Variants in KLHL13 observed in about 807,000 individuals in gnomAD.
KLHL13 encodes the protein kelch-like protein 13.
In KLHL13, 10 loss-of-function variants were observed where a neutral mutation model predicts 37.1. The observed-to-expected ratio is 0.27, with a 90% confidence interval of 0.17 to 0.46. The LOEUF (loss-of-function observed/expected upper bound fraction) is 0.46. KLHL13 is among the 20% of genes least tolerant of loss of function. The pLI is 1.00. For missense variants in KLHL13, 360 were observed against 509.3 expected, an observed-to-expected ratio of 0.71 and a Z score of 2.82; for synonymous variants, 163 against 181.2, an observed-to-expected ratio of 0.90 and a Z score of 0.81.
intron 1 of KLHL13, among the ~76,000 whole-genome samples, chrX:118,017,966 A>G (rs1364668444): frequency 9.0e-6 from 1 of 111,505 alleles, no homozygotes; most frequent in Non-Finnish European, 1.9e-5. Context: ...CGCCACAACA[A>G]CAAACTGGTG....
At chrX:118,114,100 C>T (rs1448463013) in intron 1 of KLHL13, among the ~76,000 whole-genome samples, 5 of 112,121 alleles carry the variant, frequency 4.5e-5, no homozygotes. Flanking sequence ...AATAAAAATA[C>T]ATCGGTTTCA....
intron 1 of KLHL13, among the ~76,000 whole-genome samples, chrX:117,954,250 TTTATATA>T (rs1933790505): frequency 8.9e-6 from 1 of 112,475 alleles, no homozygotes; most frequent in African/African-American, 3.2e-5. Context: ...TCTTTTAAAA[TTTATATA>T]CCAGTTAAAC....
intron 2 of KLHL13, among the ~76,000 whole-genome samples, chrX:117,928,159 G>A (rs1284650646): frequency 1.8e-5 from 2 of 111,904 alleles, no homozygotes; most frequent in Non-Finnish European, 3.8e-5. Flanking sequence ...TTCCTTAGAT[G>A]TCTGTGTGTT....
At chrX:117,907,684 TA>T (rs1466955364) in intron 5 of KLHL13, among the ~76,000 whole-genome samples, 2 of 111,443 alleles carry the variant, frequency 1.8e-5, no homozygotes, top group African/African-American at 6.5e-5. Flanking sequence ...TAACTGCTTT[TA>T]AAAGTCCAAT....
intron 1 of KLHL13, among the ~76,000 whole-genome samples, chrX:118,075,039 A>T (rs2054914464): frequency 8.9e-6 from 1 of 111,939 alleles, no homozygotes; most frequent in African/African-American, 3.2e-5. Context: ...TCTTTTCCCA[A>T]GTTCAATACA....
intron 1 of KLHL13, among the ~76,000 whole-genome samples, chrX:118,012,251 T>C (rs1348669001): frequency 8.9e-6 from 1 of 112,409 alleles, no homozygotes; most frequent in African/African-American, 3.2e-5. Context: ...TACTAACTTA[T>C]TTCCACTGTG....
At chrX:117,960,515 C>T (rs1007304349) in intron 1 of KLHL13, among the ~76,000 whole-genome samples, 1 of 112,115 alleles carries the variant, frequency 8.9e-6, no homozygotes, top group African/African-American at 3.2e-5. Context: ...CTGCACCTGC[C>T]AAACACCAAA....
At chrX:117,904,867 T>G (rs1032748049) in intron 5 of KLHL13, among the ~76,000 whole-genome samples, 2 of 111,763 alleles carry the variant, frequency 1.8e-5, no homozygotes, top group African/African-American at 6.5e-5. Context: ...TTCAGTAGTT[T>G]GGTGGCCTAG....
chrX:118,032,967 G>T (rs767987836), intron 1 of KLHL13, among the ~76,000 whole-genome samples: 2 of 111,633 alleles, frequency 1.8e-5, no homozygotes, highest in East Asian at 2.8e-4. Context: ...GAGCCGATGC[G>T]ATCAAATGGA....
At chrX:118,041,259 G>T in intron 1 of KLHL13, among the ~76,000 whole-genome samples, 1 of 112,216 alleles carries the variant, frequency 8.9e-6, no homozygotes, top group Non-Finnish European at 1.9e-5. Context: ...AGGCACAATG[G>T]CTCATGCCTG....
chrX:118,018,982 T>C lies in KLHL13; in HGVS notation c.-55-73407A>G, dbSNP rs2054162583. ...GTACAATATGATGTTTTGGTACACA[T>C]AGACAGAGTGAAATGATTACTATAG... On this transcript the variant is annotated intron_variant, in intron 1 of 6. Coordinates refer to the KLHL13 transcript ENST00000371882. 3.6e-5 allele frequency among the ~76,000 whole-genome samples: 4 copies of C among 111,567 alleles called. No individual in the cohort carries two copies. The South Asian group carries it at 1.1e-3, about 31-fold the overall frequency.
At chrX:118,067,725 C>T (rs1001844890) in intron 1 of KLHL13, among the ~76,000 whole-genome samples, 1 of 110,751 alleles carries the variant, frequency 9.0e-6, no homozygotes, top group African/African-American at 3.3e-5. Context: ...ACCTCCACAT[C>T]GCATCCCACT....
chrX:117,909,439 T>C, exon 5 of KLHL13: 5 of 1,211,723 alleles, frequency 4.1e-6, no homozygotes, highest in Non-Finnish European at 5.6e-6. Context: ...CTGAAGACTG[T>C]ATCAACTGCC....
intron 1 of KLHL13, among the ~76,000 whole-genome samples, chrX:117,991,899 C>A (rs1233719083): frequency 8.6e-5 from 9 of 105,042 alleles, no homozygotes; most frequent in Non-Finnish European, 1.4e-4. Context: ...CTCTCTGTAA[C>A]CCTCACCCCC....
chrX:118,096,122 A>C (rs1311112418), intron 1 of KLHL13, among the ~76,000 whole-genome samples: 3 of 112,053 alleles, frequency 2.7e-5, no homozygotes, highest in Non-Finnish European at 1.9e-5. Context: ...ACCCTTCAAA[A>C]AATTAATGAA....
Position 117,925,890 on chromosome X carries a change from A to G in KLHL13, c.241-5520T>C, listed in dbSNP as rs780613354. ...TGTTTTGTAGAGAAGGGGTTTCATC[A>G]TGTTACCCAGGCTGGCCTCAAGGAT... On this transcript the variant is annotated intron_variant, in intron 2 of 6. Transcript: ENST00000262820. Among the ~76,000 whole-genome samples, 490 of 111,086 alleles carry G rather than the reference A, an allele frequency of 4.4e-3. 1 individual carries two copies. Among genetic ancestry groups the G allele is most frequent in the African/African-American group, 0.015 (471 of 30,474 alleles).
intron 1 of KLHL13, among the ~76,000 whole-genome samples, chrX:118,018,460 G>C (rs760944123): frequency 9.0e-6 from 1 of 111,527 alleles, no homozygotes; most frequent in African/African-American, 3.2e-5. Context: ...GTAAATTAAT[G>C]AGCAATTACT....
At chrX:117,911,323 C>T (rs996905261) in intron 4 of KLHL13, among the ~76,000 whole-genome samples, 10 of 112,073 alleles carry the variant, frequency 8.9e-5, no homozygotes, top group South Asian at 3.7e-4. Context: ...ATTACTCCTC[C>T]GCATAAAATG....
intron 5 of KLHL13, among the ~76,000 whole-genome samples, chrX:117,908,589 A>G (rs1326122339): frequency 8.9e-6 from 1 of 111,935 alleles, no homozygotes; most frequent in Non-Finnish European, 1.9e-5. Flanking sequence ...ATCTGAAATA[A>G]TAAAATTTTA....
Sources: allele counts gnomAD v4.1 joint callset (sites outside exome capture counted in the v4.1 genomes callset), GRCh38; gene constraint gnomAD v4.1.1; transcripts MANE v1.5; gene names NCBI Gene and HGNC (gene_info 2026-07-23, HGNC 2026-07-21).